The following WDR1 variants were observed in gnomAD, a reference collection of about 807,000 sequenced individuals.
The protein encoded by WDR1 is WD repeat-containing protein 1.
WDR1 carries 21 observed loss-of-function variants against 71.9 expected under a neutral mutation model. That is an observed-to-expected ratio of 0.29 (90% CI 0.21 to 0.42). WDR1 has a LOEUF of 0.42. Among genes scored for constraint, WDR1 ranks in the 10% least tolerant of loss-of-function variants. The pLI, the probability that WDR1 is intolerant of heterozygous loss-of-function variation, is 1.00. For missense variants in WDR1, 696 were observed against 824.5 expected (o/e 0.84, Z 1.91); for synonymous variants, 424 against 347.4 (o/e 1.22, Z -2.45).
rs3796828 is a variant in WDR1, at chr4:10,078,184, C to T, written c.1396-258G>A. Among the ~76,000 whole-genome samples the T allele has an allele frequency of 6.4e-4, 98 of 152,340 alleles. 3 individuals carry two copies. In the East Asian group the frequency reaches 7.0e-3, roughly 11 times the overall value. On this transcript the variant is annotated intron_variant, in intron 12 of 14. Coordinates refer to ENST00000499869, the MANE Select transcript of WDR1 (RefSeq NM_017491.5). ...TCAAGCTGGCTGGTGGAGGAAGCCA[C>T]TCCATGCCCTGGTCACATCCGGCAC...
intron 11 of WDR1, among the ~76,000 whole-genome samples, chr4:10,080,082 CAT>C (rs1311287214): frequency 6.6e-6 from 1 of 152,184 alleles, no homozygotes; most frequent in Non-Finnish European, 1.5e-5. Context: ...AGAAATGCCA[CAT>C]GAGGAGGTGC....
At chr4:10,093,241 G>C in intron 5 of WDR1, 1 of 964,970 alleles carries the variant, frequency 1.0e-6, no homozygotes, top group African/African-American at 1.7e-5. Flanking sequence ...CTGTACACAA[G>C]AGGACCACAA....
intron 14 of WDR1, chr4:10,075,715 T>A (rs917660350): frequency 1.7e-6 from 1 of 577,478 alleles, no homozygotes. Context: ...GCAGGGTAAT[T>A]AGCAGCATCC....
At chr4:10,105,374 T>C (rs1391333428) in intron 2 of WDR1, among the ~76,000 whole-genome samples, 2 of 152,224 alleles carry the variant, frequency 1.3e-5, no homozygotes, top group Non-Finnish European at 1.5e-5. Context: ...CTTTCATCCC[T>C]AAGACTTAAC....
At chr4:10,090,028 G>C (rs991776623) in intron 5 of WDR1, among the ~76,000 whole-genome samples, 2 of 152,204 alleles carry the variant, frequency 1.3e-5, no homozygotes, top group African/African-American at 4.8e-5. Context: ...CACAGATACA[G>C]AGTTGGGGTG....
At chr4:10,081,676 A>AGGGG (rs1258740889) in intron 10 of WDR1, among the ~76,000 whole-genome samples, 1 of 10,320 alleles carries the variant, frequency 9.7e-5, no homozygotes. Context: ...GGGGGGGGGA[A>AGGGG]GGAGGGGCGG....
intron 8 of WDR1, among the ~76,000 whole-genome samples, chr4:10,084,951 C>A (rs537138564): frequency 3.3e-5 from 5 of 152,238 alleles, no homozygotes; most frequent in African/African-American, 1.2e-4. Flanking sequence ...GCTTCAGGCC[C>A]TGGTTTGTGA....
intron 11 of WDR1, 49 bp downstream of exon 11, chr4:10,081,308 G>A (rs763802266): frequency 1.4e-5 from 22 of 1,571,388 alleles, no homozygotes; most frequent in Non-Finnish European, 1.8e-5. Context: ...CAGCAAGCAG[G>A]CACCACACAG....
chr4:10,095,710 G>A (rs1370649546), intron 5 of WDR1, among the ~76,000 whole-genome samples: 1 of 152,202 alleles, frequency 6.6e-6, no homozygotes, highest in African/African-American at 2.4e-5. Context: ...CATGTCTCCT[G>A]AGCATGTGGA....
Position 10,116,721 on chromosome 4 carries a change from C to T in WDR1, c.-55G>A, listed in dbSNP as rs1201049672. 1.1e-5 allele frequency: 14 copies of T among 1,312,520 alleles called. No homozygotes were observed. Among genetic ancestry groups the T allele is most frequent in the East Asian group, 3.2e-5 (1 of 31,196 alleles). The allele number at this position is 1,312,520 out of a possible 1,614,324, so 81.3% of individuals were successfully genotyped here. A position where few individuals can be genotyped will look rare whatever the true frequency, so the allele number is the denominator to read the frequency against. ...GCCGAGAGCCTCCGGGGCCGGCCCG[C>T]GCTGCGAATTACACCTCGCCGAGGC... On this transcript the variant is annotated 5_prime_UTR_variant, in exon 1 of 15. Coordinates refer to ENST00000499869, the MANE Select transcript of WDR1 (RefSeq NM_017491.5).
chr4:10,075,794 AAAT>A (rs1189586766), intron 14 of WDR1: 1 of 481,630 alleles, frequency 2.1e-6, no homozygotes, highest in Non-Finnish European at 3.8e-6. Flanking sequence ...CACAGGAGTG[AAAT>A]AACAATGTCT....
intron 5 of WDR1, chr4:10,093,204 C>T (rs934285145): frequency 1.6e-6 from 2 of 1,233,136 alleles, no homozygotes; most frequent in East Asian, 5.7e-5. Context: ...TGGGAGCCCA[C>T]CCCATTCCCC....
intron 2 of WDR1, among the ~76,000 whole-genome samples, chr4:10,104,971 GC>G (rs770224920): frequency 5.3e-4 from 80 of 152,158 alleles, no homozygotes; most frequent in Non-Finnish European, 6.9e-4. Flanking sequence ...GACCTGAGGG[GC>G]CCCCATCTCA....
At chr4:10,105,058 G>A (rs1712937534) in intron 2 of WDR1, among the ~76,000 whole-genome samples, 1 of 152,192 alleles carries the variant, frequency 6.6e-6, no homozygotes. Context: ...CCACGTCTGT[G>A]TGTAGTCTGT....
chr4:10,074,783 A>G lies in WDR1; in HGVS notation c.*595T>C, dbSNP rs1764733839. ...GAAAGATACCCACAATTCCATTCTT[A>G]AAATCAAGCACAAAATCTGACAATG... On this transcript the variant is annotated 3_prime_UTR_variant, in exon 15 of 15. Transcript: ENST00000499869. The G allele has an allele frequency of 6.6e-6, 1 of 152,542 alleles. No homozygotes were observed. The allele number at this position is 152,542 out of a possible 1,614,324, so 9.4% of individuals were successfully genotyped here. A position where few individuals can be genotyped will look rare whatever the true frequency, so the allele number is the denominator to read the frequency against.
chr4:10,080,879 G>A (rs1764988476), intron 11 of WDR1, among the ~76,000 whole-genome samples: 1 of 152,194 alleles, frequency 6.6e-6, no homozygotes, highest in Non-Finnish European at 1.5e-5. Flanking sequence ...GAACCAAGAT[G>A]GTGTAAGGAG....
intron 3 of WDR1, 85 bp from the exon 4 acceptor site, chr4:10,099,224 G>GGGCCAC (rs1712547070): frequency 1.6e-6 from 2 of 1,221,478 alleles, no homozygotes; most frequent in Non-Finnish European, 2.3e-6. Context: ...TGCCGGGCCA[G>GGGCCAC]GGCCACGTGG....
At chr4:10,087,686 C>G in intron 8 of WDR1, 21 bp downstream of exon 8, 2 of 1,560,046 alleles carry the variant, frequency 1.3e-6, no homozygotes, top group South Asian at 2.4e-5. Flanking sequence ...CGGGCAGAGC[C>G]TTCCCCAGGG....
At chr4:10,100,117 A>G (rs1251229633) in intron 3 of WDR1, among the ~76,000 whole-genome samples, 9 of 152,240 alleles carry the variant, frequency 5.9e-5, no homozygotes, top group Non-Finnish European at 1.0e-4. Flanking sequence ...CGCCTTTTTA[A>G]GAGGATTGTC....
Sources: gnomAD v4.1 joint callset for allele counts (sites outside exome capture counted in the v4.1 genomes callset) on GRCh38, gnomAD v4.1.1 for gene constraint, MANE v1.5 for transcripts, NCBI Gene and HGNC (gene_info 2026-07-23, HGNC 2026-07-21) for gene names.